AHNAK: variants seen among roughly 807,000 people sequenced by gnomAD.
AHNAK encodes the protein AHNAK nucleoprotein.
In AHNAK, 23 loss-of-function variants were observed where a neutral mutation model predicts 37.8. That is an observed-to-expected ratio of 0.61 (90% confidence interval 0.44 to 0.86). The LOEUF is 0.86. Ranked by LOEUF, AHNAK falls within the 40% of genes least tolerant of loss-of-function variation. The pLI is 0.00. For synonymous variants in AHNAK, 2,481 were observed against 2,636.3 expected (o/e 0.94, Z 1.80); for missense variants, 7,411 against 7,319.4 (o/e 1.01, Z -0.46).
chr11:62,495,000 C>CAAA (rs34419128), intron 4 of AHNAK, among the ~76,000 whole-genome samples: 2 of 121,858 alleles, frequency 1.6e-5, no homozygotes, highest in African/African-American at 2.9e-5. Context: ...AACTCCATCT[C>CAAA]AAAAAAAAAA....
At chr11:62,511,872 G>C (rs1939919862), downstream of AHNAK, among the ~76,000 whole-genome samples, 2 of 151,792 alleles carry the variant, frequency 1.3e-5, 1 homozygote, top group South Asian at 4.2e-4. Context: ...TTTCTGAGAT[G>C]GAGTCTTGCT....
rs747868910 is a variant in AHNAK, at chr11:62,519,892, A to T, written c.14525T>A (p.Ile4842Lys). Reference protein sequence around the residue: ...LKGPKFKMPEINIKAPKISIP... With the variant: ...LKGPKFKMPEKNIKAPKISIP... ...GGAGATCTTGGGAGCTTTGATATTT[A>T]TTTCAGGCATCTTGAACTTGGGGCC... The change falls in exon 5 of 5, where the codon ATA becomes AAA. Residue 4842 changes from isoleucine to lysine, a missense_variant. Coordinates refer to ENST00000378024, the MANE Select transcript of AHNAK (RefSeq NM_001620.3). 122 of 1,613,848 alleles carry T rather than the reference A, an allele frequency of 7.6e-5. No homozygotes were observed. Among genetic ancestry groups the T allele is most frequent in the Middle Eastern group, 1.6e-4 (1 of 6,084 alleles).
In AHNAK at chr11:62,528,802, T is replaced by A. The variant is rs558631977; in HGVS notation, c.5615A>T (p.Asp1872Val). Residue 1872 changes from aspartate to valine, a missense_variant, in exon 5 of 5, where the codon GAT becomes GTT. Asp to Val is a radical substitution (Grantham distance 152). Coordinates refer to ENST00000378024, the MANE Select transcript of AHNAK (RefSeq NM_001620.3). ...LHLKGPKVKG[D>V]ADVSVPKLEG... ...CAATTTTGGCACCGACACATCCGCA[T>A]CCCCTTTGACTTTGGGGCCTTTCAG... 23 of 1,612,074 alleles carry A rather than the reference T, an allele frequency of 1.4e-5. No homozygotes were observed. The highest frequency in any genetic ancestry group is 8.4e-5 in the Admixed American group (5 of 59,600).
chr11:62,526,688 G>T lies in AHNAK; in HGVS notation c.7729C>A (p.Pro2577Thr). Residue 2577 changes from proline (P) to threonine (T), a missense_variant, in exon 5 of 5, where the codon CCC (proline) becomes ACC (threonine). By Grantham distance (38) the Pro-to-Thr change is conservative (BLOSUM62 -1). Transcript: ENST00000378024. Reference sequence around the variant, plus strand: ...TCAAAGTCAGGCATGGAGATCTTGGGGGCTTTGATGTTCATCTCTGGCATC... The same window carrying T: ...TCAAAGTCAGGCATGGAGATCTTGGTGGCTTTGATGTTCATCTCTGGCATC... ...LKMPEMNIKA[P>T]KISMPDFDLH... 1 of 1,611,626 alleles carries T rather than the reference G, an allele frequency of 6.2e-7. No individual in the cohort carries two copies. The highest frequency in any genetic ancestry group is 8.5e-7 in the Non-Finnish European group (1 of 1,179,486).
rs1363272779 is a variant in AHNAK, at chr11:62,522,577, C to A, written c.11840G>T (p.Gly3947Val). 2 of 1,612,076 alleles carry A rather than the reference C, an allele frequency of 1.2e-6. No individual in the cohort carries two copies. Among genetic ancestry groups the A allele is most frequent in the South Asian group, 1.1e-5 (1 of 90,992 alleles). Residue 3947 changes from glycine to valine, a missense_variant, in exon 5 of 5, where the codon GGA becomes GTA. Coordinates refer to ENST00000378024, the MANE Select transcript of AHNAK (RefSeq NM_001620.3). ...GTTCACATCCACTTCTGGACCTTCT[C>A]CTTTGAAGCCAGGCATGCTGATCTT... ...MPKISMPGFK[G>V]EGPEVDVNLP...
chr11:62,496,806 A>G (rs965719747), intron 4 of AHNAK, among the ~76,000 whole-genome samples: 1 of 151,566 alleles, frequency 6.6e-6, no homozygotes, highest in Non-Finnish European at 1.5e-5. Flanking sequence ...CTCAAGAAAG[A>G]AAGAAAGAAA....
rs753551250 is a variant in AHNAK, at chr11:62,532,399, A to C, written c.2018T>G (p.Leu673Trp). 1 of 1,614,116 alleles carries C rather than the reference A, an allele frequency of 6.2e-7. No individual in the cohort carries two copies. Among genetic ancestry groups the C allele is most frequent in the Non-Finnish European group, 8.5e-7 (1 of 1,180,038 alleles). ...TTTAAGTTTTCCCCCCAGACCCTCC[A>C]AGTTGACATCTGGGGCTTCCACATT... ...KVNVEAPDVNLEGLGGKLKGP... is the reference protein window; with the variant it reads ...KVNVEAPDVNWEGLGGKLKGP... Residue 673 changes from leucine to tryptophan, a missense_variant, in exon 5 of 5, where the codon TTG becomes TGG. Physicochemically the swap from Leu to Trp is moderately conservative, Grantham distance 61. Coordinates refer to ENST00000378024, the MANE Select transcript of AHNAK (RefSeq NM_001620.3).
Position 62,519,077 on chromosome 11 carries a change from C to G in AHNAK, c.15340G>C (p.Glu5114Gln). ...AGATCAGGTGCCTGGAGTTCACCCT[C>G]CAGTTTGGGGCTAGGGAGAGGGGCC... Reference protein sequence around the residue: ...AEAPLPSPKLEGELQAPDLEL... With the variant: ...AEAPLPSPKLQGELQAPDLEL... Residue 5114 changes from glutamate (E) to glutamine (Q), a missense_variant, in exon 5 of 5, where the codon GAG (glutamate) becomes CAG (glutamine). Coordinates refer to ENST00000378024, the MANE Select transcript of AHNAK (RefSeq NM_001620.3). 6.2e-7 allele frequency: 1 copy of G among 1,613,250 alleles called. No homozygotes were observed. Among genetic ancestry groups the G allele is most frequent in the Non-Finnish European group, 8.5e-7 (1 of 1,179,532 alleles).
chr11:62,445,662 T>A (rs1048739527), intron 5 of AHNAK, among the ~76,000 whole-genome samples: 13 of 152,104 alleles, frequency 8.5e-5, no homozygotes, highest in African/African-American at 3.1e-4. Flanking sequence ...AAGGCTATAG[T>A]GACCCACGAT....
At chr11:62,457,850 C>G (rs1938695404) in intron 5 of AHNAK, among the ~76,000 whole-genome samples, 1 of 151,874 alleles carries the variant, frequency 6.6e-6, no homozygotes. Context: ...CCACTTGGGT[C>G]CAATATACCC....
At position 62,527,124 on chromosome 11, in the gene AHNAK, T is replaced by C; in HGVS notation, c.7293A>G (p.Gly2431=). The change falls in exon 5 of 5, where the codon GGA becomes GGG. Residue 2431 remains glycine (G), a synonymous_variant. Coordinates refer to ENST00000378024, the MANE Select transcript of AHNAK (RefSeq NM_001620.3). The part of the protein sequence containing the change: ...DVSGPDIDIE[G]PEGKLKGPKF... ...TAGGGCCTTTCAATTTGCCCTCTGG[T>C]CCCTCAATGTCAATGTCTGGCCCAC... 2 of 1,613,888 alleles carry C rather than the reference T, an allele frequency of 1.2e-6. No homozygotes were observed. Among genetic ancestry groups the C allele is most frequent in the Non-Finnish European group, 8.5e-7 (1 of 1,179,978 alleles).
chr11:62,527,587 G>C lies in AHNAK; in HGVS notation c.6830C>G (p.Pro2277Arg), dbSNP rs773875209. ...ATCTGGGACTTCAACATCCACCTTGGGTCCTGAGACATCAACGTCAGCCTT... is the reference window on the plus strand; with the variant it reads ...ATCTGGGACTTCAACATCCACCTTGCGTCCTGAGACATCAACGTCAGCCTT... ...LPKADVDVSG[P>R]KVDVEVPDVS... is the part of the protein sequence containing the mutation. The change falls in exon 5 of 5, where the codon CCC becomes CGC. Residue 2277 changes from proline to arginine, a missense_variant. Transcript: ENST00000378024. 7 of 1,613,282 alleles carry C rather than the reference G, an allele frequency of 4.3e-6. No homozygotes were observed. In the South Asian group the frequency reaches 6.6e-5, roughly 15 times the overall value.
At chr11:62,473,957 AC>A (rs112510610) in intron 5 of AHNAK, among the ~76,000 whole-genome samples, 9,116 of 151,194 alleles carry the variant, frequency 0.06, 932 homozygotes, top group African/African-American at 0.21. Context: ...CCATGATCAA[AC>A]CACTACACTC....
intron 5 of AHNAK, among the ~76,000 whole-genome samples, chr11:62,448,088 C>T (rs538404215): frequency 2.2e-4 from 34 of 151,952 alleles, no homozygotes; most frequent in Middle Eastern, 3.4e-3. Context: ...ACAGTGGCGA[C>T]GATGGTGAAC....
chr11:62,488,824 G>C (rs902391143), intron 5 of AHNAK, among the ~76,000 whole-genome samples: 1 of 152,136 alleles, frequency 6.6e-6, no homozygotes, highest in Non-Finnish European at 1.5e-5. Flanking sequence ...GGGATGCCTG[G>C]GCAGCATGGG....
rs747482960 is a variant in AHNAK at position 62,518,592 on chromosome 11, C to A, written c.15825G>T (p.Gly5275=). 8 of 1,614,074 alleles carry A rather than the reference C, an allele frequency of 5.0e-6. No homozygotes were observed. In the African/African-American group the frequency reaches 1.1e-4, roughly 22 times the overall value. The change falls in exon 5 of 5, where the codon GGG becomes GGT. Residue 5275 remains glycine (G), a synonymous_variant. Coordinates refer to ENST00000378024, the MANE Select transcript of AHNAK (RefSeq NM_001620.3). ...DLRGPDVKLE[G]PDVSLKGPGV... is the part of the protein sequence containing the mutation. ...CTGGCCCCTTTAGAGAAACATCGGG[C>A]CCTTCGAGCTTAACATCTGGTCCTC...
In AHNAK at chr11:62,525,984, G is replaced by A. The variant is rs751941922; in HGVS notation, c.8433C>T (p.Ile2811=). 43 of 1,613,092 alleles carry A rather than the reference G, an allele frequency of 2.7e-5. No individual in the cohort carries two copies. Among genetic ancestry groups the A allele is most frequent in the Admixed American group, 2.3e-4 (14 of 59,894 alleles). ...TTTTCCACTTTCCTTCAGGTCCTTCGATATTCACATCGGGACATTCAACAT... is the reference window on the plus strand; with the variant it reads ...TTTTCCACTTTCCTTCAGGTCCTTCAATATTCACATCGGGACATTCAACAT... ...KVDVECPDVN[I]EGPEGKWKSP... The change falls in exon 5 of 5, where the codon ATC becomes ATT. Residue 2811 remains isoleucine, a synonymous_variant. Coordinates refer to ENST00000378024, the MANE Select transcript of AHNAK (RefSeq NM_001620.3).
At chr11:62,479,366 C>A (rs1000135507) in intron 5 of AHNAK, among the ~76,000 whole-genome samples, 2 of 151,704 alleles carry the variant, frequency 1.3e-5, no homozygotes, top group African/African-American at 2.4e-5. Flanking sequence ...AGGGTTTCTC[C>A]ACGTTGGTCA....
rs1940013279 is a variant in AHNAK at position 62,516,244 on chromosome 11, C to CAGAGG, written c.*499_*500insCCTCT. On this transcript the variant is annotated 3_prime_UTR_variant, in exon 5 of 5. Coordinates refer to ENST00000378024, the MANE Select transcript of AHNAK (RefSeq NM_001620.3). ...ACCCACACACCCTGACTACCACCACCTCTGGGCCATCTGTGGGCGTTTGCT... is the reference window on the plus strand; with the variant it reads ...ACCCACACACCCTGACTACCACCACCAGAGGTCTGGGCCATCTGTGGGCGTTTGCT... The CAGAGG allele has an allele frequency of 7.8e-7, 1 of 1,289,132 alleles. No homozygotes were observed. The highest frequency in any genetic ancestry group is 1.0e-6 in the Non-Finnish European group (1 of 988,726). The allele number at this position is 1,289,132 out of a possible 1,614,324, so 79.9% of individuals were successfully genotyped here. A position where few individuals can be genotyped will look rare whatever the true frequency, so the allele number is the denominator to read the frequency against.
Sources: gnomAD v4.1 joint callset for allele counts (sites outside exome capture counted in the v4.1 genomes callset) on GRCh38, gnomAD v4.1.1 for gene constraint, MANE v1.5 for transcripts, NCBI Gene and HGNC (gene_info 2026-07-23, HGNC 2026-07-21) for gene names.